SBNO1: variants seen among roughly 807,000 people sequenced by gnomAD.
The protein encoded by SBNO1 is strawberry notch homolog 1.
A neutral mutation model predicts 173.6 loss-of-function variants in SBNO1; 23 were observed. The observed-to-expected ratio is 0.13, with a 90% CI of 0.10 to 0.19. The LOEUF (loss-of-function observed/expected upper bound fraction) is 0.19. Ranked by LOEUF, SBNO1 falls within the 10% of genes least tolerant of loss-of-function variation. The pLI is 1.00. For missense variants in SBNO1, 1,238 were observed against 1,671.2 expected, an observed-to-expected ratio of 0.74 and a Z score of 4.52; for synonymous variants, 632 against 571.5, an observed-to-expected ratio of 1.11 and a Z score of -1.51.
At chr12:123,318,845 T>C (rs1269096148) in intron 20 of SBNO1, among the ~76,000 whole-genome samples, 5 of 151,170 alleles carry the variant, frequency 3.3e-5, no homozygotes, top group Non-Finnish European at 7.4e-5. Flanking sequence ...TAATATAACA[T>C]GACATAGCAA....
At chr12:123,329,643 T>C (rs1870984556) in intron 9 of SBNO1, among the ~76,000 whole-genome samples, 1 of 152,098 alleles carries the variant, frequency 6.6e-6, no homozygotes, top group Non-Finnish European at 1.5e-5. Context: ...TTCTGAATTG[T>C]ATACAGTCAT....
intron 5 of SBNO1, among the ~76,000 whole-genome samples, chr12:123,337,627 A>C (rs939551836): frequency 6.6e-6 from 1 of 152,198 alleles, no homozygotes; most frequent in Admixed American, 6.5e-5. Flanking sequence ...AAAACTTGGA[A>C]TGTTCTCAGA....
chr12:123,317,031 TC>T (rs1478323615), intron 21 of SBNO1, among the ~76,000 whole-genome samples, 189 bp downstream of exon 21: 18 of 152,132 alleles, frequency 1.2e-4, no homozygotes, highest in Non-Finnish European at 2.5e-4. Flanking sequence ...GGAGAAAGGG[TC>T]TCACTGCGTT....
At position 123,294,634 on chromosome 12, in the gene SBNO1, CAAAAAAAAA is replaced by C. The variant is rs143013489; in HGVS notation, c.*1265_*1273del. 3.2e-4 allele frequency: 19 copies of C among 60,028 alleles called. No homozygotes were observed. The highest frequency in any genetic ancestry group is 2.0e-3 in the East Asian group (4 of 1,972). The allele number at this position is 60,028 out of a possible 1,614,324, so 3.7% of individuals were successfully genotyped here. A position where few individuals can be genotyped will look rare whatever the true frequency, so the allele number is the denominator to read the frequency against. On this transcript the variant is annotated 3_prime_UTR_variant, in exon 32 of 32. Coordinates refer to ENST00000602398, the MANE Select transcript of SBNO1 (RefSeq NM_001167856.3). ...TTTTCAATAGTGCAACCTGTGGAAG[CAAAAAAAAA>C]AAAAAAAAAAAAAAAAAAGAAAAAA...
At chr12:123,338,831 C>A (rs548632836) in intron 5 of SBNO1, among the ~76,000 whole-genome samples, 1 of 151,910 alleles carries the variant, frequency 6.6e-6, no homozygotes, top group East Asian at 1.9e-4. Flanking sequence ...TGAGATTGCA[C>A]CACTGCCCTC....
chr12:123,328,650 T>C, intron 10 of SBNO1, 84 bp downstream of exon 10: 1 of 1,109,956 alleles, frequency 9.0e-7, no homozygotes, highest in Non-Finnish European at 1.2e-6. Flanking sequence ...TCGTTTAATC[T>C]CAAGATTCCT....
At chr12:123,331,628 T>C (rs1871219164) in intron 7 of SBNO1, among the ~76,000 whole-genome samples, 2 of 152,014 alleles carry the variant, frequency 1.3e-5, no homozygotes, top group Admixed American at 1.3e-4. Context: ...TTCACACCAT[T>C]CTCCTTCCTC....
chr12:123,303,840 A>G (rs1398308045), intron 29 of SBNO1, among the ~76,000 whole-genome samples: 3 of 138,124 alleles, frequency 2.2e-5, no homozygotes, highest in African/African-American at 7.9e-5. Context: ...TTTAAAAAAA[A>G]AGAAAGAAAG....
rs567067970 is a variant in SBNO1 at position 123,331,489 on chromosome 12, T to C, written c.910-114A>G. The stretch of plus-strand genomic sequence containing the variant: ...TTATGTTTTTTGTTTTGTATATGTA[T>C]TTTGTGACTTTATTTTTACATAAAT... On this transcript the variant is annotated intron_variant, in intron 7 of 31. Coordinates refer to ENST00000602398, the MANE Select transcript of SBNO1 (RefSeq NM_001167856.3). The C allele has an allele frequency of 2.9e-5, 27 of 923,602 alleles. No homozygotes were observed. In the African/African-American group the frequency reaches 4.4e-4, roughly 15 times the overall value. 57.2% of individuals were successfully genotyped at this position (923,602 alleles called of 1,614,324 possible). A position where few individuals can be genotyped will look rare whatever the true frequency, so the allele number is the denominator to read the frequency against.
rs373345227 is a variant in SBNO1 at position 123,302,250 on chromosome 12, G to GT, written c.3845+573dup. ...ACCTGGCCTTATTGTTTTTTTTTTTGTTTTTTTTTTTTAATGGAGTCTCGC... is the reference window on the plus strand; with the variant it reads ...ACCTGGCCTTATTGTTTTTTTTTTTGTTTTTTTTTTTTTAATGGAGTCTCGC... On this transcript the variant is annotated intron_variant, in intron 30 of 31. Coordinates refer to ENST00000602398, the MANE Select transcript of SBNO1 (RefSeq NM_001167856.3). Among the ~76,000 whole-genome samples the GT allele has an allele frequency of 5.6e-3, 568 of 100,612 alleles. 1 individual carries two copies. Among genetic ancestry groups the GT allele is most frequent in the Middle Eastern group, 0.031 (4 of 130 alleles). The allele number at this position is 100,612 out of a possible 152,430, so 66.0% of individuals were successfully genotyped here.
intron 31 of SBNO1, 58 bp downstream of exon 31, chr12:123,297,919 GA>G (rs1403151361): frequency 2.0e-6 from 3 of 1,519,248 alleles, no homozygotes; most frequent in Middle Eastern, 1.7e-4. Context: ...TTAGCAATGA[GA>G]AAAAAGTCGG....
intron 9 of SBNO1, among the ~76,000 whole-genome samples, chr12:123,329,645 TAC>T (rs1870985428): frequency 6.6e-6 from 1 of 152,098 alleles, no homozygotes; most frequent in African/African-American, 2.4e-5. Context: ...CTGAATTGTA[TAC>T]AGTCATTCAA....
chr12:123,320,079 G>A (rs1044767185), intron 19 of SBNO1, 48 bp from the exon 20 acceptor site: 4 of 1,605,770 alleles, frequency 2.5e-6, no homozygotes, highest in Admixed American at 1.7e-5. Context: ...TGACTGCGGT[G>A]GATGGACTCA....
At chr12:123,352,963 A>C (rs1040207332) in intron 1 of SBNO1, among the ~76,000 whole-genome samples, 1 of 151,940 alleles carries the variant, frequency 6.6e-6, no homozygotes, top group Non-Finnish European at 1.5e-5. Flanking sequence ...ATGCCCAGCT[A>C]ATTTTTTGTA....
intron 1 of SBNO1, among the ~76,000 whole-genome samples, chr12:123,359,554 CAAA>C (rs62698860): frequency 1.5e-5 from 2 of 136,926 alleles, no homozygotes; most frequent in Admixed American, 7.3e-5. Flanking sequence ...GACTCCGTCT[CAAA>C]AAAAAAAAAA....
At chr12:123,353,550 A>G (rs1283152199) in intron 1 of SBNO1, among the ~76,000 whole-genome samples, 1 of 152,206 alleles carries the variant, frequency 6.6e-6, no homozygotes, top group East Asian at 1.9e-4. Context: ...AGTTAACAGG[A>G]GAAATGTCCC....
chr12:123,322,195 C>G (rs2138970816), intron 16 of SBNO1, among the ~76,000 whole-genome samples: 1 of 152,232 alleles, frequency 6.6e-6, no homozygotes, highest in African/African-American at 2.4e-5. Context: ...TGCAGTGGCA[C>G]AATCATAGCT....
chr12:123,328,693 T>C (rs1870853697), intron 10 of SBNO1, 41 bp downstream of exon 10: 2 of 1,408,608 alleles, frequency 1.4e-6, no homozygotes, highest in South Asian at 3.4e-5. Flanking sequence ...TATAATTTTC[T>C]TGTCGTTAAA....
chr12:123,322,780 C>T (rs1476506657), intron 16 of SBNO1, among the ~76,000 whole-genome samples: 2 of 151,414 alleles, frequency 1.3e-5, no homozygotes, highest in Admixed American at 1.3e-4. Flanking sequence ...GTGGTGCATG[C>T]CTGTAATCCC....
Sources: allele counts gnomAD v4.1 joint callset (sites outside exome capture counted in the v4.1 genomes callset), GRCh38; gene constraint gnomAD v4.1.1; transcripts MANE v1.5; gene names NCBI Gene and HGNC (gene_info 2026-07-23, HGNC 2026-07-21).